SPAG16: variants seen among roughly 807,000 people sequenced by gnomAD.
The protein encoded by SPAG16 is sperm associated antigen 16, also known as sperm-associated antigen 16 protein.
In SPAG16, 86 loss-of-function variants were observed where a neutral mutation model predicts 80.4. The ratio of observed to expected loss-of-function variants is 1.07; its 90% CI spans 0.90 to 1.28. SPAG16 has a LOEUF of 1.28. Among genes scored for constraint, SPAG16 ranks in the 50% most tolerant of loss-of-function variants. SPAG16 has a pLI of 0.00. For missense variants in SPAG16, 870 were observed against 765.3 expected (o/e 1.14, Z -1.61); for synonymous variants, 294 against 265.9 (o/e 1.11, Z -1.03).
chr2:214,285,669 G>C (rs181771223), intron 15 of SPAG16, among the ~76,000 whole-genome samples: 130 of 152,158 alleles, frequency 8.5e-4, no homozygotes, highest in Non-Finnish European at 1.4e-3. Context: ...TAGATGTGGT[G>C]GTGGGTGCCT....
intron 14 of SPAG16, among the ~76,000 whole-genome samples, chr2:214,130,449 A>G (rs1163791201): frequency 6.6e-6 from 1 of 152,200 alleles, no homozygotes; most frequent in East Asian, 1.9e-4. Context: ...GCATGCTTTA[A>G]CACTAGCAAA....
chr2:214,052,519 T>C, intron 13 of SPAG16, among the ~76,000 whole-genome samples: 1 of 152,224 alleles, frequency 6.6e-6, no homozygotes, highest in East Asian at 1.9e-4. Flanking sequence ...CCACTGTTGA[T>C]TGCAGTGTTG....
intron 10 of SPAG16, among the ~76,000 whole-genome samples, chr2:213,825,114 A>G (rs1289137331): frequency 6.6e-6 from 1 of 152,018 alleles, no homozygotes; most frequent in East Asian, 1.9e-4. Flanking sequence ...ATCAGTTCTA[A>G]TGGTGTTTTG....
At chr2:214,322,460 G>A (rs538936645) in intron 15 of SPAG16, among the ~76,000 whole-genome samples, 2 of 146,014 alleles carry the variant, frequency 1.4e-5, no homozygotes, top group African/African-American at 5.0e-5. Context: ...TTGGACTAGA[G>A]AATACCAAAT....
At chr2:214,212,416 C>A (rs771242670) in intron 15 of SPAG16, among the ~76,000 whole-genome samples, 2 of 152,156 alleles carry the variant, frequency 1.3e-5, no homozygotes, top group African/African-American at 4.8e-5. Flanking sequence ...CCACTCCCTG[C>A]ATCCATCAAT....
chr2:213,986,930 A>G (rs1679399839), intron 12 of SPAG16, among the ~76,000 whole-genome samples: 1 of 149,220 alleles, frequency 6.7e-6, no homozygotes, highest in Non-Finnish European at 1.5e-5. Context: ...CTAAGAAACT[A>G]TCATATGTGT....
intron 10 of SPAG16, among the ~76,000 whole-genome samples, chr2:213,623,473 G>A (rs2061855832): frequency 6.6e-6 from 1 of 151,906 alleles, no homozygotes; most frequent in Non-Finnish European, 1.5e-5. Context: ...TTTCTTTTTA[G>A]TATTCCATTT....
intron 10 of SPAG16, among the ~76,000 whole-genome samples, chr2:213,519,488 C>G (rs748170137): frequency 4.6e-5 from 7 of 152,166 alleles, no homozygotes; most frequent in Non-Finnish European, 8.8e-5. Flanking sequence ...CCTGCAAAAG[C>G]TCTTTGCCTG....
At chr2:213,713,883 T>C (rs1174711708) in intron 10 of SPAG16, among the ~76,000 whole-genome samples, 1 of 152,174 alleles carries the variant, frequency 6.6e-6, no homozygotes, top group Admixed American at 6.5e-5. Context: ...AAAGGGGAAA[T>C]TGAACAAAGT....
chr2:213,866,717 T>C (rs994085950), intron 11 of SPAG16, among the ~76,000 whole-genome samples: 1 of 152,112 alleles, frequency 6.6e-6, no homozygotes, highest in African/African-American at 2.4e-5. Context: ...CAGGTAAAAA[T>C]GTAGACAATC....
At chr2:213,952,230 A>AGTG (rs1355301370) in intron 12 of SPAG16, among the ~76,000 whole-genome samples, 1 of 152,098 alleles carries the variant, frequency 6.6e-6, no homozygotes, top group Admixed American at 6.6e-5. Context: ...AAATTGAAAT[A>AGTG]GTGATATGGA....
chr2:213,650,254 A>C lies in SPAG16; in HGVS notation c.1070+160164A>C, dbSNP rs186736631. ...GGACACATTATAGTCACTACAGTTCATGCATTTTGAACCTGAAAGCTCCAC... is the reference window on the plus strand; with the variant it reads ...GGACACATTATAGTCACTACAGTTCCTGCATTTTGAACCTGAAAGCTCCAC... On this transcript the variant is annotated intron_variant, in intron 10 of 15. Transcript: ENST00000331683. Among the ~76,000 whole-genome samples, 19 of 152,286 alleles carry C rather than the reference A, an allele frequency of 1.2e-4. No individual in the cohort carries two copies. The East Asian group carries it at 3.5e-3, about 28-fold the overall frequency.
intron 15 of SPAG16, chr2:214,250,198 C>T (rs1690148808): frequency 6.6e-6 from 1 of 152,114 alleles, no homozygotes; most frequent in African/African-American, 2.4e-5. Context: ...GAGGAACACT[C>T]ATAGACATTT....
rs548629881 is a variant in SPAG16, at chr2:213,980,968, TTAGACTGTTTAGG to T, written c.1401-32981_1401-32969del. On this transcript the variant is annotated intron_variant, in intron 12 of 15. Coordinates refer to ENST00000331683, the MANE Select transcript of SPAG16 (RefSeq NM_024532.5). ...AAAAATCTATGTGGGTCTTCCTGTA[TTAGACTGTTTAGG>T]TTGTCATAACAAAATACTACAAACT... Among the ~76,000 whole-genome samples, 7 of 152,030 alleles carry T rather than the reference TTAGACTGTTTAGG, an allele frequency of 4.6e-5. 1 individual carries two copies. The highest frequency in any genetic ancestry group is 4.6e-4 in the Admixed American group (7 of 15,236).
rs2062335876 is a variant in SPAG16 at position 213,292,679 on chromosome 2, AAAAAAC to A, written c.137-3379_137-3374del. Among the ~76,000 whole-genome samples the A allele has an allele frequency of 4.4e-5, 5 of 113,426 alleles. 1 individual carries two copies. Among genetic ancestry groups the A allele is most frequent in the African/African-American group, 1.5e-4 (5 of 32,352 alleles). 74.4% of individuals were successfully genotyped at this position (113,426 alleles called of 152,430 possible). A position where few individuals can be genotyped will look rare whatever the true frequency, so the allele number is the denominator to read the frequency against. On this transcript the variant is annotated intron_variant, in intron 1 of 15. Transcript: ENST00000331683. ...ACTCCGTCTCAAAAAAAAAAAACAA[AAAAAAC>A]AAAAAAAAACAAAACTATCAGAAAG...
chr2:213,581,006 T>C (rs1449369545), intron 10 of SPAG16, among the ~76,000 whole-genome samples: 3 of 152,072 alleles, frequency 2.0e-5, no homozygotes, highest in Non-Finnish European at 4.4e-5. Flanking sequence ...TCCCTTCTAA[T>C]TCAAGTTTAC....
At chr2:214,170,231 C>CATATAT (rs1559101409) in intron 15 of SPAG16, among the ~76,000 whole-genome samples, 2 of 136,736 alleles carry the variant, frequency 1.5e-5, no homozygotes, top group Admixed American at 7.3e-5. Flanking sequence ...TATACGTATA[C>CATATAT]ACACACACTT....
chr2:213,878,483 T>A (rs2076223973), intron 11 of SPAG16, among the ~76,000 whole-genome samples: 2 of 152,188 alleles, frequency 1.3e-5, no homozygotes, highest in Admixed American at 6.6e-5. Context: ...CTTTGCCCAC[T>A]TTTTATTGGG....
chr2:214,399,264 C>T (rs556375622), intron 15 of SPAG16, among the ~76,000 whole-genome samples: 7 of 152,204 alleles, frequency 4.6e-5, no homozygotes, highest in African/African-American at 1.7e-4. Context: ...CATTCTTTTG[C>T]TCTTGTGAGG....
Sources: gnomAD v4.1 joint callset for allele counts (sites outside exome capture counted in the v4.1 genomes callset) on GRCh38, gnomAD v4.1.1 for gene constraint, MANE v1.5 for transcripts, NCBI Gene and HGNC (gene_info 2026-07-23, HGNC 2026-07-21) for gene names.